The following MDH2 variants were observed in gnomAD, a reference collection of about 807,000 sequenced individuals.
MDH2 encodes malate dehydrogenase, mitochondrial.
MDH2 carries 25 observed loss-of-function variants against 33.6 expected under a neutral mutation model. That is an observed-to-expected ratio of 0.74 (90% CI 0.54 to 1.04). The LOEUF (loss-of-function observed/expected upper bound fraction) is 1.04. Among genes scored for constraint, MDH2 ranks in the 50% least tolerant of loss-of-function variants. The probability of loss-of-function intolerance (pLI) is 0.00; values close to 1 mark genes in which losing one functional copy is unlikely to be tolerated. For missense variants in MDH2, 432 were observed against 445.0 expected (o/e 0.97, Z 0.26); for synonymous variants, 193 against 188.7 (o/e 1.02, Z -0.19).
chr7:76,051,858 G>A (rs533456330), intron 1 of MDH2, among the ~76,000 whole-genome samples: 2 of 152,192 alleles, frequency 1.3e-5, no homozygotes, highest in Non-Finnish European at 2.9e-5. Flanking sequence ...CCCAGCAAAG[G>A]TCAGCGGGTC....
In MDH2 at chr7:76,054,835, T is replaced by C. The variant is rs1554585948; in HGVS notation, c.72T>C (p.Asn24=). The C allele has an allele frequency of 1.4e-5, 22 of 1,614,052 alleles. No homozygotes were observed. Among genetic ancestry groups the C allele is most frequent in the Non-Finnish European group, 1.8e-5 (21 of 1,179,962 alleles). The change falls in exon 2 of 9, where the codon AAT becomes AAC. Residue 24 remains asparagine (N), a synonymous_variant. Coordinates refer to ENST00000315758, the MANE Select transcript of MDH2 (RefSeq NM_005918.4). ...TTCTCTGTGCCTCTTTTTAGAACAA[T>C]GCTAAAGTAGCTGTGCTAGGGGCCT... ...RRSFSTSAQN[N]AKVAVLGASG...
At chr7:76,064,051 C>T (rs1798025471) in intron 6 of MDH2, among the ~76,000 whole-genome samples, 2 of 151,852 alleles carry the variant, frequency 1.3e-5, no homozygotes, top group Non-Finnish European at 2.9e-5. Flanking sequence ...GAGTAGGGGA[C>T]TCACCACACT....
chr7:76,049,142 G>C lies in MDH2; in HGVS notation c.66+916G>C. 3 of 973,692 alleles carry C rather than the reference G, an allele frequency of 3.1e-6. No homozygotes were observed. In the South Asian group the frequency reaches 1.4e-4, roughly 46 times the overall value. 60.3% of individuals were successfully genotyped at this position (973,692 alleles called of 1,614,324 possible). On this transcript the variant is annotated intron_variant, in intron 1 of 8. Transcript: ENST00000315758. The stretch of plus-strand genomic sequence containing the variant: ...TATCATCGAAGTTCTCGAGTTTCCT[G>C]TACATCCAGTTCATTTGAAAAATAA...
chr7:76,063,716 G>A, intron 6 of MDH2, 124 bp downstream of exon 6: 1 of 902,996 alleles, frequency 1.1e-6, no homozygotes, highest in Non-Finnish European at 1.8e-6. Flanking sequence ...AAGGGCTCCT[G>A]TTGTAGGCAG....
At chr7:76,064,176 G>A (rs2116699347) in intron 6 of MDH2, among the ~76,000 whole-genome samples, 163 bp from the exon 7 acceptor site, 1 of 152,104 alleles carries the variant, frequency 6.6e-6, no homozygotes, top group East Asian at 1.9e-4. Flanking sequence ...AGAATAGCAT[G>A]TCATTTTTCT....
At chr7:76,063,811 A>C (rs1798018067) in intron 6 of MDH2, among the ~76,000 whole-genome samples, 1 of 152,188 alleles carries the variant, frequency 6.6e-6, no homozygotes, top group African/African-American at 2.4e-5. Context: ...GCACGCAAGG[A>C]GAACCACTGT....
At chr7:76,048,677 C>T in intron 1 of MDH2, 1 of 1,245,916 alleles carries the variant, frequency 8.0e-7, no homozygotes, top group Non-Finnish European at 1.0e-6. Flanking sequence ...TATGGACAAA[C>T]CGAGGCTAGA....
intron 1 of MDH2, among the ~76,000 whole-genome samples, chr7:76,053,070 A>G (rs1554585691): frequency 2.0e-5 from 3 of 152,222 alleles, no homozygotes. Context: ...GGTGTTGCTG[A>G]GTACCTAAGT....
At chr7:76,065,502 A>G (rs558608198) in intron 8 of MDH2, among the ~76,000 whole-genome samples, 2 of 152,142 alleles carry the variant, frequency 1.3e-5, no homozygotes, top group East Asian at 3.9e-4. Context: ...TCACTGGGCC[A>G]CCCCAGGACC....
intron 1 of MDH2, chr7:76,048,722 G>A (rs1797431324): frequency 4.9e-6 from 6 of 1,235,076 alleles, no homozygotes; most frequent in African/African-American, 1.6e-5. Context: ...TTGGCCAGAG[G>A]ATTAGAATTC....
intron 1 of MDH2, chr7:76,054,526 G>T: frequency 2.7e-6 from 1 of 374,642 alleles, no homozygotes. Context: ...GCAGGTTGAA[G>T]GGAAGGCTGC....
intron 1 of MDH2, chr7:76,048,888 A>G: frequency 1.8e-6 from 2 of 1,092,290 alleles, no homozygotes; most frequent in East Asian, 5.3e-5. Flanking sequence ...GCCATCTTCT[A>G]GAATGGTGGT....
intron 1 of MDH2, among the ~76,000 whole-genome samples, chr7:76,053,089 G>A (rs952437960): frequency 3.3e-5 from 5 of 152,314 alleles, no homozygotes; most frequent in Admixed American, 6.5e-5. Context: ...GTTAGATAAC[G>A]GAATAGAATG....
At chr7:76,049,648 C>T (rs1258159861) in intron 1 of MDH2, among the ~76,000 whole-genome samples, 5 of 151,844 alleles carry the variant, frequency 3.3e-5, no homozygotes, top group African/African-American at 1.2e-4. Flanking sequence ...TTCAGATATC[C>T]GACATATTTA....
intron 4 of MDH2, among the ~76,000 whole-genome samples, chr7:76,059,778 T>C (rs1797889705): frequency 6.6e-6 from 1 of 152,218 alleles, no homozygotes; most frequent in Admixed American, 6.5e-5. Flanking sequence ...AGAGAGCTGC[T>C]ATTCCCTTTG....
rs1554584396 is a variant in MDH2 at position 76,048,125 on chromosome 7, C to T, written c.-36C>T. 3.3e-6 allele frequency: 5 copies of T among 1,536,650 alleles called. No homozygotes were observed. In the East Asian group the frequency reaches 1.2e-4, roughly 38 times the overall value. On this transcript the variant is annotated 5_prime_UTR_variant, in exon 1 of 9. Transcript: ENST00000315758. The stretch of plus-strand genomic sequence containing the variant: ...GGAGTCACTTCCCCGTCACCAGCTC[C>T]TGTGCCTGCCAGTCGGTGCCCCTCC...
chr7:76,060,358 T>C lies in MDH2; in HGVS notation c.430-15T>C. 1 of 1,613,742 alleles carries C rather than the reference T, an allele frequency of 6.2e-7. No homozygotes were observed. The highest frequency in any genetic ancestry group is 8.5e-7 in the Non-Finnish European group (1 of 1,179,786). On this transcript the variant is annotated splice_polypyrimidine_tract_variant and intron_variant, in intron 4 of 8. Transcript: ENST00000315758. ...GAACCCAGGGCAAGCCATGCCTGTC[T>C]GTTGGATGTCCTAGGTTAATTCCAC...
chr7:76,060,469 A>G lies in MDH2; in HGVS notation c.526A>G (p.Arg176Gly), dbSNP rs1554586843. 1 of 1,614,208 alleles carries G rather than the reference A, an allele frequency of 6.2e-7. No homozygotes were observed. Among genetic ancestry groups the G allele is most frequent in the Non-Finnish European group, 8.5e-7 (1 of 1,180,042 alleles). ...CGGCGTGACGACCCTGGACATCGTC[A>G]GAGCCAACACCTTTGTTGCAGAGCT... The part of the protein sequence containing the change: ...IFGVTTLDIV[R>G]ANTFVAELKG... The change falls in exon 5 of 9, where the codon AGA becomes GGA. Residue 176 changes from arginine (R) to glycine (G), a missense_variant. Coordinates refer to ENST00000315758, the MANE Select transcript of MDH2 (RefSeq NM_005918.4).
Position 76,058,030 on chromosome 7 carries a change from C to T in MDH2, c.381C>T (p.Ala127=), listed in dbSNP as rs782139310. The T allele has an allele frequency of 1.9e-6, 3 of 1,613,828 alleles. No homozygotes were observed. Among genetic ancestry groups the T allele is most frequent in the African/African-American group, 1.3e-5 (1 of 74,950 alleles). ...CGATTGTGGCCACCCTGACCGCTGC[C>T]TGTGCCCAGCACTGCCCGGAAGCCA... ...NATIVATLTA[A]CAQHCPEAMI... is the part of the protein sequence containing the mutation. Residue 127 remains alanine (A), a synonymous_variant, in exon 4 of 9, where the codon GCC becomes GCT. Transcript: ENST00000315758.
Sources: gnomAD v4.1 joint callset for allele counts (sites outside exome capture counted in the v4.1 genomes callset) on GRCh38, gnomAD v4.1.1 for gene constraint, MANE v1.5 for transcripts, NCBI Gene and HGNC (gene_info 2026-07-23, HGNC 2026-07-21) for gene names.